Variants in ADGRL3 observed in about 807,000 individuals in gnomAD.
The protein encoded by ADGRL3 is adhesion G protein-coupled receptor L3, also known as calcium-independent alpha-latrotoxin receptor 3.
ADGRL3 carries 62 observed loss-of-function variants against 153.5 expected under a neutral mutation model. The ratio of observed to expected loss-of-function variants is 0.40; its 90% CI spans 0.33 to 0.50. The LOEUF (loss-of-function observed/expected upper bound fraction) is 0.50, where lower values mean the gene tolerates loss of function less well. Ranked by LOEUF, ADGRL3 falls within the 20% of genes least tolerant of loss-of-function variation. The pLI, the probability that ADGRL3 is intolerant of heterozygous loss-of-function variation, is 0.47. For missense variants in ADGRL3, 1,641 were observed against 1,859.4 expected, an observed-to-expected ratio of 0.88 and a Z score of 2.16; for synonymous variants, 710 against 672.5, an observed-to-expected ratio of 1.06 and a Z score of -0.86.
chr4:61,608,097 G>A (rs1283950627), intron 5 of ADGRL3, among the ~76,000 whole-genome samples: 1 of 152,234 alleles, frequency 6.6e-6, no homozygotes, highest in Non-Finnish European at 1.5e-5. Context: ...GTAGGTGGTG[G>A]CATTCCATAG....
chr4:61,953,203 A>G (rs906811299), intron 17 of ADGRL3, among the ~76,000 whole-genome samples: 2 of 152,204 alleles, frequency 1.3e-5, no homozygotes, highest in Non-Finnish European at 2.9e-5. Flanking sequence ...TGGAACAGAT[A>G]TTTATGTCTT....
Position 61,458,324 on chromosome 4 carries a change from A to G in ADGRL3, c.-173-38797A>G, listed in dbSNP as rs1220011860. Among the ~76,000 whole-genome samples the G allele has an allele frequency of 4.6e-5, 7 of 151,496 alleles. No homozygotes were observed. In the East Asian group the frequency reaches 1.4e-3, roughly 29 times the overall value. On this transcript the variant is annotated intron_variant, in intron 2 of 26. Coordinates refer to ENST00000683033, the MANE Select transcript of ADGRL3 (RefSeq NM_001387552.1). The stretch of plus-strand genomic sequence containing the variant: ...TTTAATATTTTTAAATGTCAGCTAA[A>G]TGGGTTATTACTTTGATGCTTGTTT...
chr4:61,748,613 G>T (rs866293136), intron 8 of ADGRL3, among the ~76,000 whole-genome samples: 5 of 152,112 alleles, frequency 3.3e-5, no homozygotes, highest in Non-Finnish European at 7.3e-5. Context: ...ACGGGTAAAG[G>T]ATTCCCTATT....
At chr4:61,321,719 G>A (rs940350063) in intron 1 of ADGRL3, among the ~76,000 whole-genome samples, 8 of 152,008 alleles carry the variant, frequency 5.3e-5, no homozygotes, top group African/African-American at 1.9e-4. Context: ...ATGTCTAAAC[G>A]TAGAAAAGGT....
At chr4:61,742,645 T>G (rs1004426093) in intron 8 of ADGRL3, among the ~76,000 whole-genome samples, 45 of 151,882 alleles carry the variant, frequency 3.0e-4, no homozygotes, top group African/African-American at 1.0e-3. Flanking sequence ...ATAGTATGAG[T>G]TTTTAAGCAC....
At chr4:61,774,292 G>C (rs2097120491) in intron 8 of ADGRL3, among the ~76,000 whole-genome samples, 1 of 150,720 alleles carries the variant, frequency 6.6e-6, no homozygotes, top group South Asian at 2.1e-4. Flanking sequence ...GGGAGGCGGA[G>C]GTTGCAGTGA....
intron 9 of ADGRL3, among the ~76,000 whole-genome samples, chr4:61,882,030 GT>G (rs1409002978): frequency 1.3e-5 from 2 of 151,980 alleles, no homozygotes; most frequent in African/African-American, 4.8e-5. Context: ...TTGTTTTTAT[GT>G]TTTTCTCACT....
intron 2 of ADGRL3, among the ~76,000 whole-genome samples, chr4:61,384,940 A>G (rs2096719107): frequency 6.6e-6 from 1 of 152,150 alleles, no homozygotes; most frequent in African/African-American, 2.4e-5. Flanking sequence ...AACGGATACA[A>G]GGTTTCCTTT....
At chr4:61,332,896 A>G (rs912945123) in intron 1 of ADGRL3, among the ~76,000 whole-genome samples, 3 of 152,188 alleles carry the variant, frequency 2.0e-5, no homozygotes, top group Non-Finnish European at 4.4e-5. Flanking sequence ...GGTTGCTGGC[A>G]TGGTGAAGGC....
intron 9 of ADGRL3, among the ~76,000 whole-genome samples, chr4:61,840,973 C>T (rs2098022008): frequency 1.3e-5 from 2 of 152,058 alleles, no homozygotes; most frequent in South Asian, 2.1e-4. Flanking sequence ...GAGCTTTCTC[C>T]TCAAACTTCC....
chr4:61,403,953 C>A (rs761504342), intron 2 of ADGRL3, among the ~76,000 whole-genome samples: 1 of 151,940 alleles, frequency 6.6e-6, no homozygotes, highest in Admixed American at 6.6e-5. Context: ...CAACCCTTAT[C>A]GTCTTATTTA....
intron 5 of ADGRL3, among the ~76,000 whole-genome samples, chr4:61,645,709 G>A (rs1215284049): frequency 1.3e-5 from 2 of 151,826 alleles, no homozygotes; most frequent in African/African-American, 2.4e-5. Context: ...CTCTCTGGCT[G>A]CCCTTAACAT....
intron 13 of ADGRL3, among the ~76,000 whole-genome samples, chr4:61,931,039 A>G (rs1421707963): frequency 1.3e-5 from 2 of 152,192 alleles, no homozygotes; most frequent in East Asian, 3.8e-4. Flanking sequence ...TTAGCTAGTA[A>G]AGGGACATGT....
intron 5 of ADGRL3, among the ~76,000 whole-genome samples, chr4:61,647,915 T>G (rs1041910757): frequency 2.0e-5 from 3 of 152,292 alleles, no homozygotes; most frequent in African/African-American, 7.2e-5. Flanking sequence ...GATTGTAAAC[T>G]TTCTCCAAAG....
At chr4:61,592,073 C>CCAAA (rs35542445) in intron 5 of ADGRL3, among the ~76,000 whole-genome samples, 3 of 123,674 alleles carry the variant, frequency 2.4e-5, no homozygotes, top group African/African-American at 8.8e-5. Context: ...GAAACTGCTT[C>CCAAA]AAAAAAAAAA....
chr4:61,344,264 T>A (rs2095858172), intron 1 of ADGRL3, among the ~76,000 whole-genome samples: 1 of 152,240 alleles, frequency 6.6e-6, no homozygotes, highest in African/African-American at 2.4e-5. Flanking sequence ...AGATACATTT[T>A]TTTTTGCCAC....
intron 8 of ADGRL3, among the ~76,000 whole-genome samples, chr4:61,783,308 G>T (rs1042504868): frequency 6.6e-5 from 10 of 152,200 alleles, no homozygotes; most frequent in Middle Eastern, 3.4e-3. Context: ...CTATATCTGA[G>T]CCAAGTGCCT....
chr4:61,569,497 C>T lies in ADGRL3; in HGVS notation c.260-17730C>T, dbSNP rs1346288374. Among the ~76,000 whole-genome samples, 9 of 152,276 alleles carry T rather than the reference C, an allele frequency of 5.9e-5. No homozygotes were observed. In the East Asian group the frequency reaches 1.7e-3, roughly 29 times the overall value. On this transcript the variant is annotated intron_variant, in intron 4 of 26. Coordinates refer to ENST00000683033, the MANE Select transcript of ADGRL3 (RefSeq NM_001387552.1). ...ACCTGTAGTCCAGCTACTCAGGAAGCTTAGGCAGCAGGATTACTTGAGCTC... is the reference window on the plus strand; with the variant it reads ...ACCTGTAGTCCAGCTACTCAGGAAGTTTAGGCAGCAGGATTACTTGAGCTC...
chr4:61,679,912 A>G (rs1291189423), intron 6 of ADGRL3, among the ~76,000 whole-genome samples: 1 of 152,076 alleles, frequency 6.6e-6, no homozygotes, highest in African/African-American at 2.4e-5. Context: ...GTGGTGAAAG[A>G]AAGTGTTTCA....
Sources: allele counts gnomAD v4.1 joint callset (sites outside exome capture counted in the v4.1 genomes callset), GRCh38; gene constraint gnomAD v4.1.1; transcripts MANE v1.5; gene names NCBI Gene and HGNC (gene_info 2026-07-23, HGNC 2026-07-21).